The following FOXJ3 variants were observed in gnomAD, a reference collection of about 807,000 sequenced individuals.
The protein encoded by FOXJ3 is forkhead box protein J3.
In FOXJ3, 22 loss-of-function variants were observed where a neutral mutation model predicts 76.1. That is an observed-to-expected ratio of 0.29 (90% CI 0.21 to 0.41). FOXJ3 has a LOEUF of 0.41. Ranked by LOEUF, FOXJ3 falls within the 10% of genes least tolerant of loss-of-function variation. The pLI is 1.00. For missense variants in FOXJ3, 613 were observed against 762.1 expected (o/e 0.80, Z 2.30); for synonymous variants, 269 against 261.2 (o/e 1.03, Z -0.29).
chr1:42,290,589 T>C (rs750372632), intron 2 of FOXJ3, among the ~76,000 whole-genome samples: 4 of 152,192 alleles, frequency 2.6e-5, no homozygotes, highest in Non-Finnish European at 5.9e-5. Flanking sequence ...TTCTTCTTTA[T>C]TCTATTATAC....
intron 2 of FOXJ3, among the ~76,000 whole-genome samples, chr1:42,286,737 G>C (rs1017929369): frequency 1.3e-5 from 2 of 152,028 alleles, no homozygotes; most frequent in African/African-American, 4.8e-5. Flanking sequence ...ATGTTCAAGC[G>C]ATTCTCTTGC....
intron 4 of FOXJ3, among the ~76,000 whole-genome samples, chr1:42,228,634 A>C (rs568758565): frequency 1.3e-5 from 2 of 152,242 alleles, no homozygotes; most frequent in East Asian, 3.9e-4. Flanking sequence ...ATATTATACA[A>C]ACAAGAAGAG....
chr1:42,234,401 G>A (rs1030246181), intron 4 of FOXJ3, among the ~76,000 whole-genome samples: 3 of 152,092 alleles, frequency 2.0e-5, no homozygotes, highest in African/African-American at 2.4e-5. Context: ...CTCTCAGCTC[G>A]TCAAAGTCAT....
chr1:42,288,665 CA>C (rs930475005), intron 2 of FOXJ3, among the ~76,000 whole-genome samples: 30 of 152,152 alleles, frequency 2.0e-4, no homozygotes, highest in Admixed American at 1.4e-3. Context: ...TCTGAAGAGT[CA>C]AAACTATTTT....
chr1:42,299,799 T>C (rs1039450400), intron 2 of FOXJ3, among the ~76,000 whole-genome samples: 1 of 151,934 alleles, frequency 6.6e-6, no homozygotes, highest in African/African-American at 2.4e-5. Flanking sequence ...TCCCAGCTAC[T>C]TGGGAAGCTG....
rs180746133 is a variant in FOXJ3 at position 42,260,518 on chromosome 1, T to C, written c.444+4597A>G. On this transcript the variant is annotated intron_variant, in intron 4 of 12. Transcript: ENST00000361346. Reference sequence around the variant, plus strand: ...GAGTTCAAGACCAGTCCAGGCAACATAGTGAGAACTCCATCTCCACAAAAA... The same window carrying C: ...GAGTTCAAGACCAGTCCAGGCAACACAGTGAGAACTCCATCTCCACAAAAA... Among the ~76,000 whole-genome samples the C allele has an allele frequency of 1.3e-3, 191 of 152,174 alleles. 1 individual carries two copies. Among genetic ancestry groups the C allele is most frequent in the Non-Finnish European group, 1.3e-3 (87 of 67,978 alleles).
chr1:42,205,331 T>C (rs1378919830), intron 6 of FOXJ3, among the ~76,000 whole-genome samples: 1 of 146,040 alleles, frequency 6.8e-6, no homozygotes, highest in African/African-American at 2.8e-5. Context: ...TGAAAATAGG[T>C]AGACCACCAT....
chr1:42,290,313 C>T (rs942202886), intron 2 of FOXJ3, among the ~76,000 whole-genome samples: 5 of 152,032 alleles, frequency 3.3e-5, no homozygotes, highest in Non-Finnish European at 7.4e-5. Flanking sequence ...GTCAGCTGAC[C>T]GTTACCTACT....
chr1:42,189,210 T>A, intron 10 of FOXJ3, 93 bp downstream of exon 10: 1 of 863,006 alleles, frequency 1.2e-6, no homozygotes, highest in Non-Finnish European at 1.9e-6. Flanking sequence ...CTATATAAGA[T>A]GATGTTTATT....
At chr1:42,333,441 T>C (rs1446212969) in intron 1 of FOXJ3, among the ~76,000 whole-genome samples, 1 of 152,018 alleles carries the variant, frequency 6.6e-6, no homozygotes, top group Non-Finnish European at 1.5e-5. Flanking sequence ...ATGAGAAACT[T>C]CCCAGTTTTG....
At chr1:42,307,672 T>G (rs1467577626) in intron 2 of FOXJ3, among the ~76,000 whole-genome samples, 4 of 152,186 alleles carry the variant, frequency 2.6e-5, no homozygotes, top group Non-Finnish European at 5.9e-5. Flanking sequence ...GCAAGTAAAG[T>G]AGACCAAAAT....
chr1:42,247,540 C>T (rs1649646470), intron 4 of FOXJ3, among the ~76,000 whole-genome samples: 1 of 152,138 alleles, frequency 6.6e-6, no homozygotes, highest in African/African-American at 2.4e-5. Flanking sequence ...TGATCACCAT[C>T]AATTGCCATT....
chr1:42,254,515 C>T (rs1188097337), intron 4 of FOXJ3, among the ~76,000 whole-genome samples: 3 of 144,844 alleles, frequency 2.1e-5, no homozygotes, highest in Non-Finnish European at 3.0e-5. Flanking sequence ...CACATGCACA[C>T]GTATGTTTAT....
At chr1:42,318,342 T>C (rs945604627) in intron 1 of FOXJ3, among the ~76,000 whole-genome samples, 1 of 152,052 alleles carries the variant, frequency 6.6e-6, no homozygotes, top group African/African-American at 2.4e-5. Flanking sequence ...ACCAGGGAAA[T>C]ACAATTTTTT....
intron 1 of FOXJ3, among the ~76,000 whole-genome samples, chr1:42,322,400 T>G (rs770109418): frequency 1.4e-4 from 21 of 152,026 alleles, no homozygotes; most frequent in Non-Finnish European, 2.9e-4. Flanking sequence ...TTCTTAAAGA[T>G]GCATACTGAC....
At chr1:42,327,857 C>A (rs1262159010) in intron 1 of FOXJ3, among the ~76,000 whole-genome samples, 1 of 152,196 alleles carries the variant, frequency 6.6e-6, no homozygotes. Flanking sequence ...GTTTTATACT[C>A]CAGGTGAAAA....
rs545400867 is a variant in FOXJ3 at position 42,177,368 on chromosome 1, A to T, written c.*2342T>A. ...CATCATCAGTGGTTCTACTCAAATC[A>T]CTCAGTATGAGACTGCATTCCAATA... On this transcript the variant is annotated 3_prime_UTR_variant, in exon 13 of 13. Transcript: ENST00000361346. The T allele has an allele frequency of 6.6e-6, 1 of 152,618 alleles. No homozygotes were observed. Among genetic ancestry groups the T allele is most frequent in the African/African-American group, 2.4e-5 (1 of 41,428 alleles). The allele number at this position is 152,618 out of a possible 1,614,324, so 9.5% of individuals were successfully genotyped here.
chr1:42,298,224 G>T (rs955434253), intron 2 of FOXJ3, among the ~76,000 whole-genome samples: 4 of 152,182 alleles, frequency 2.6e-5, no homozygotes, highest in African/African-American at 9.7e-5. Flanking sequence ...CCCCAGCCCT[G>T]TGGAACTGTG....
intron 8 of FOXJ3, among the ~76,000 whole-genome samples, chr1:42,194,455 AAAATCACAAAT>A (rs1646612150): frequency 6.6e-6 from 1 of 152,236 alleles, no homozygotes; most frequent in Non-Finnish European, 1.5e-5. Context: ...TGCCACACTC[AAAATCACAAAT>A]TTGGCGCTAC....
Sources: allele counts gnomAD v4.1 joint callset (sites outside exome capture counted in the v4.1 genomes callset), GRCh38; gene constraint gnomAD v4.1.1; transcripts MANE v1.5; gene names NCBI Gene and HGNC (gene_info 2026-07-23, HGNC 2026-07-21).